NEAT1: variants seen among roughly 807,000 people sequenced by gnomAD.
NEAT1 encodes the protein MENepsilon/beta.
At chr11:65,444,514 G>A in exon 1 of NEAT1, 1 of 493,030 alleles carries the variant, frequency 2.0e-6, no homozygotes, top group East Asian at 6.2e-5. Flanking sequence ...AGCAGGAGGG[G>A]CTCCAGGGGC....
chr11:65,431,162 T>G (rs911429684), exon 1 of NEAT1: 1 of 152,208 alleles, frequency 6.6e-6, no homozygotes, highest in Non-Finnish European at 1.5e-5. Flanking sequence ...ACTGGCTTAT[T>G]TCTCTGAGCA....
At chr11:65,442,231 C>T (rs1856721058) in exon 1 of NEAT1, 5 of 152,110 alleles carry the variant, frequency 3.3e-5, no homozygotes, top group Admixed American at 1.3e-4. Flanking sequence ...CGCCTTCACG[C>T]TGCTGCTGTT....
chr11:65,444,440 C>A, exon 1 of NEAT1: 1 of 472,106 alleles, frequency 2.1e-6, no homozygotes, highest in Non-Finnish European at 4.4e-6. Context: ...AGGTTACAGT[C>A]CTCTCTGAGC....
chr11:65,432,820 G>GT (rs1321497752), exon 1 of NEAT1: 1 of 151,136 alleles, frequency 6.6e-6, no homozygotes, highest in Non-Finnish European at 1.5e-5. Flanking sequence ...CCAATATGTG[G>GT]TTTTTTATAC....
At chr11:65,425,394 AG>A (rs1380315059) in exon 1 of NEAT1, 1 of 151,986 alleles carries the variant, frequency 6.6e-6, no homozygotes, top group East Asian at 1.9e-4. Context: ...CCTGTTTCAG[AG>A]GGTTGTTTTG....
At chr11:65,442,387 G>A (rs1049275026) in exon 1 of NEAT1, 9 of 151,456 alleles carry the variant, frequency 5.9e-5, no homozygotes, top group Non-Finnish European at 1.3e-4. Flanking sequence ...CTGACCCGAA[G>A]GGTAGGAGAA....
exon 1 of NEAT1, chr11:65,432,344 A>G (rs1856620481): frequency 6.6e-6 from 1 of 152,170 alleles, no homozygotes; most frequent in African/African-American, 2.4e-5. Flanking sequence ...TTTGCCACTT[A>G]TGATTGTAAA....
At chr11:65,426,265 C>T (rs1856560462) in exon 1 of NEAT1, 1 of 152,074 alleles carries the variant, frequency 6.6e-6, no homozygotes, top group Non-Finnish European at 1.5e-5. Flanking sequence ...AATATGTTGA[C>T]ATGGTAGTTC....
chr11:65,434,503 G>C (rs1165942005), exon 1 of NEAT1: 1 of 152,182 alleles, frequency 6.6e-6, no homozygotes, highest in Non-Finnish European at 1.5e-5. Flanking sequence ...GGAGTACACA[G>C]AGAACTGCCC....
exon 1 of NEAT1, chr11:65,434,799 T>A (rs1856644317): frequency 6.6e-6 from 1 of 152,174 alleles, no homozygotes; most frequent in Non-Finnish European, 1.5e-5. Context: ...CTGTTGTTCA[T>A]ATCCTCTACG....
exon 1 of NEAT1, chr11:65,444,081 AGT>A (rs1041462974): frequency 4.7e-6 from 1 of 214,146 alleles, no homozygotes; most frequent in African/African-American, 2.4e-5. Flanking sequence ...CCCGCACCAT[AGT>A]GTGTTTGGAG....
exon 1 of NEAT1, chr11:65,437,790 A>G (rs1565634792): frequency 6.6e-6 from 1 of 151,936 alleles, no homozygotes. Flanking sequence ...CTGACTGACT[A>G]CCCCATCACA....
At chr11:65,433,014 A>G (rs1470874228) in exon 1 of NEAT1, 2 of 151,770 alleles carry the variant, frequency 1.3e-5, no homozygotes, top group Non-Finnish European at 2.9e-5. Context: ...TGCTGCAAAA[A>G]AAAAAAAAAC....
exon 1 of NEAT1, chr11:65,431,521 A>G (rs1856613738): frequency 6.6e-6 from 1 of 152,172 alleles, no homozygotes; most frequent in South Asian, 2.1e-4. Context: ...TTACGTTCTC[A>G]CCAAGAGTGC....
exon 1 of NEAT1, chr11:65,435,935 G>C (rs1334171857): frequency 1.3e-5 from 2 of 152,222 alleles, no homozygotes; most frequent in Non-Finnish European, 2.9e-5. Context: ...GTAAAAAGTG[G>C]TATTTAATGA....
chr11:65,437,016 A>G (rs958939185), exon 1 of NEAT1: 4 of 151,956 alleles, frequency 2.6e-5, no homozygotes, highest in Admixed American at 2.0e-4. Flanking sequence ...CAATGTGAGA[A>G]GTGGAAAATA....
chr11:65,424,427 A>G (rs1300720446), exon 1 of NEAT1: 1 of 152,186 alleles, frequency 6.6e-6, no homozygotes, highest in African/African-American at 2.4e-5. Context: ...CGTTGATGCC[A>G]CAACGCAGAT....
exon 1 of NEAT1, chr11:65,427,195 C>G (rs1856569973): frequency 6.6e-6 from 1 of 152,248 alleles, no homozygotes; most frequent in South Asian, 2.1e-4. Context: ...CACTGCTGTT[C>G]TGTGTTACCT....
At chr11:65,444,787 T>C (rs1856751576) in exon 1 of NEAT1, 1 of 272,782 alleles carries the variant, frequency 3.7e-6, no homozygotes, top group South Asian at 3.3e-5. Flanking sequence ...GGTGGGGCCC[T>C]GTGCTTCCGA....
Sources: gnomAD v4.1 joint callset for allele counts on GRCh38, gnomAD v4.1.1 for gene constraint, MANE v1.5 for transcripts, NCBI Gene and HGNC (gene_info 2026-07-23, HGNC 2026-07-21) for gene names.